The following DMXL2 variants were observed in gnomAD, a reference collection of about 807,000 sequenced individuals.
The protein encoded by DMXL2 is Dmx like 2.
In DMXL2, 103 loss-of-function variants were observed where a neutral mutation model predicts 331.1. That is an observed-to-expected ratio of 0.31 (90% CI 0.27 to 0.37). The LOEUF (loss-of-function observed/expected upper bound fraction) is 0.37. Ranked by LOEUF, DMXL2 falls within the 10% of genes least tolerant of loss-of-function variation. DMXL2 has a pLI of 1.00. For missense variants in DMXL2, 3,171 were observed against 3,642.9 expected (o/e 0.87, Z 3.33); for synonymous variants, 1,281 against 1,252.1 (o/e 1.02, Z -0.49).
chr15:51,559,150 C>G (rs1274555970), intron 6 of DMXL2, among the ~76,000 whole-genome samples: 1 of 152,120 alleles, frequency 6.6e-6, no homozygotes, highest in East Asian at 1.9e-4. Context: ...ATATATTTGA[C>G]ATTAAAATCA....
chr15:51,563,246 T>G (rs1596270791), intron 6 of DMXL2, 135 bp downstream of exon 6: 2 of 740,252 alleles, frequency 2.7e-6, no homozygotes, highest in Middle Eastern at 3.8e-4. Flanking sequence ...AAACACCACT[T>G]TTATTCTTCA....
chr15:51,473,080 T>C (rs961784080), intron 28 of DMXL2, among the ~76,000 whole-genome samples: 12 of 152,220 alleles, frequency 7.9e-5, no homozygotes, highest in African/African-American at 2.9e-4. Flanking sequence ...TTTGCATTCA[T>C]CTGCCTGGAA....
chr15:51,477,449 T>C (rs924415667), intron 26 of DMXL2, among the ~76,000 whole-genome samples: 1 of 152,054 alleles, frequency 6.6e-6, no homozygotes, highest in Non-Finnish European at 1.5e-5. Context: ...TCAACTTTTT[T>C]CCTTATTTAC....
intron 6 of DMXL2, among the ~76,000 whole-genome samples, chr15:51,555,080 C>T (rs1203900428): frequency 1.3e-5 from 2 of 152,150 alleles, no homozygotes; most frequent in Non-Finnish European, 2.9e-5. Context: ...ATTGCTTGAA[C>T]CCAGGAGGCA....
intron 2 of DMXL2, among the ~76,000 whole-genome samples, chr15:51,569,898 C>T (rs1375885229): frequency 6.6e-6 from 1 of 152,132 alleles, no homozygotes; most frequent in African/African-American, 2.4e-5. Context: ...CAAATGATCA[C>T]AACTCCTCGC....
chr15:51,590,556 G>A (rs1181745441), intron 1 of DMXL2, among the ~76,000 whole-genome samples: 1 of 151,152 alleles, frequency 6.6e-6, no homozygotes, highest in Non-Finnish European at 1.5e-5. Flanking sequence ...GCCTTGACTA[G>A]TTCCATTTTA....
intron 1 of DMXL2, among the ~76,000 whole-genome samples, chr15:51,585,929 C>A (rs537341339): frequency 1.3e-5 from 2 of 152,294 alleles, no homozygotes; most frequent in Admixed American, 6.5e-5. Flanking sequence ...CACCACAAGG[C>A]ACCGCCAACT....
chr15:51,504,210 T>C (rs1179383201), intron 16 of DMXL2, among the ~76,000 whole-genome samples: 1 of 152,302 alleles, frequency 6.6e-6, no homozygotes. Context: ...AATAACAATA[T>C]ACTGCCTCAC....
intron 24 of DMXL2, 137 bp from the exon 25 acceptor site, chr15:51,480,276 C>G: frequency 1.1e-6 from 1 of 884,804 alleles, no homozygotes; most frequent in Middle Eastern, 3.3e-4. Context: ...ATTGAGCACC[C>G]AGTATGTACC....
intron 42 of DMXL2, chr15:51,450,683 A>AG (rs976340757): frequency 1.7e-4 from 41 of 240,350 alleles, no homozygotes; most frequent in South Asian, 1.7e-3. Flanking sequence ...AACCCAGCCA[A>AG]GTGCTGTACC....
rs756849363 is a variant in DMXL2, at chr15:51,537,589, G to T, written c.1516C>A (p.Pro506Thr). The T allele has an allele frequency of 1.3e-5, 21 of 1,613,774 alleles. 1 individual carries two copies. In the East Asian group the frequency reaches 4.7e-4, roughly 36 times the overall value. ...GGGTGTATTGTAAAAAGCATATCAG[G>T]ATTCTTATTCCATTCAGTTAGCAGC... ...ETLLTEWNKN[P>T]DMLFTIHPVD... Residue 506 changes from proline (P) to threonine (T), a missense_variant, in exon 11 of 44, where the codon CCT becomes ACT. By Grantham distance (38) the Pro-to-Thr change is conservative. Around this residue, in one of 7 missense-constraint regions of DMXL2, gnomAD observed 1,674 missense variants for 1,780.2 expected, o/e 0.94. Transcript: ENST00000560891.
At position 51,486,347 on chromosome 15, in the gene DMXL2, T is replaced by C. The variant is rs767542342; in HGVS notation, c.5218-10A>G. On this transcript the variant is annotated splice_polypyrimidine_tract_variant and intron_variant, in intron 22 of 43. Transcript: ENST00000560891. The stretch of plus-strand genomic sequence containing the variant: ...TTTTTTCAAGACATACCTGCAAATT[T>C]AAATATTAATACTTATCTTACTTAA... 5 of 1,539,924 alleles carry C rather than the reference T, an allele frequency of 3.2e-6. No homozygotes were observed. The African/African-American group carries it at 6.8e-5, about 21-fold the overall frequency.
chr15:51,555,366 T>G (rs781143375), intron 6 of DMXL2, among the ~76,000 whole-genome samples: 1 of 151,840 alleles, frequency 6.6e-6, no homozygotes, highest in African/African-American at 2.4e-5. Flanking sequence ...GGGAGTAGAT[T>G]GAGGGGTTAG....
chr15:51,472,637 T>C (rs770252402), intron 28 of DMXL2, among the ~76,000 whole-genome samples: 2 of 152,242 alleles, frequency 1.3e-5, no homozygotes, highest in African/African-American at 4.8e-5. Flanking sequence ...AGACTTTTTG[T>C]GTCTGGCTTC....
intron 6 of DMXL2, among the ~76,000 whole-genome samples, chr15:51,553,194 A>G (rs1173725983): frequency 1.3e-5 from 2 of 152,214 alleles, no homozygotes; most frequent in Non-Finnish European, 2.9e-5. Flanking sequence ...ATTAAGTCCT[A>G]TAAGAACAAA....
chr15:51,610,077 T>G (rs2053858942), intron 1 of DMXL2, among the ~76,000 whole-genome samples: 1 of 152,158 alleles, frequency 6.6e-6, no homozygotes, highest in African/African-American at 2.4e-5. Context: ...GAAACGTAAC[T>G]ATGCAGAAAA....
rs751162658 is a variant in DMXL2 at position 51,499,377 on chromosome 15, T to C, written c.3847A>G (p.Thr1283Ala). 3.1e-6 allele frequency: 5 copies of C among 1,613,910 alleles called. No homozygotes were observed. In the East Asian group the frequency reaches 1.1e-4, roughly 36 times the overall value. ...QWKHAVKFGD[T>A]EADSSNAEEA... is the part of the protein sequence containing the mutation. Reference sequence around the variant, plus strand: ...TCTGCATTAGAACTATCAGCTTCAGTGTCTCCAAATTTGACAGCATGCTTC... The same window carrying C: ...TCTGCATTAGAACTATCAGCTTCAGCGTCTCCAAATTTGACAGCATGCTTC... Residue 1283 changes from threonine to alanine, a missense_variant, in exon 18 of 44, where the codon ACT (threonine) becomes GCT (alanine). Physicochemically the swap from Thr to Ala is moderately conservative, Grantham distance 58. This residue lies in a region of DMXL2 where 1,674 missense variants were observed against 1,780.2 expected (regional missense o/e 0.94). Coordinates refer to ENST00000560891, the MANE Select transcript of DMXL2 (RefSeq NM_001378457.1).
rs190753659 is a variant in DMXL2, at chr15:51,465,575, C to G, written c.7597G>C (p.Glu2533Gln). Reference sequence around the variant, plus strand: ...TAAATTCCAAACTCACCAGAGAATTCCAGTCCAGCAATAGGAAAGAAATTC... The same window carrying G: ...TAAATTCCAAACTCACCAGAGAATTGCAGTCCAGCAATAGGAAAGAAATTC... The part of the protein sequence containing the change: ...VKNFFPIAGL[E>Q]FSELPVTSPL... The change falls in exon 31 of 44, where the codon GAA becomes CAA. Residue 2533 changes from glutamate to glutamine, a missense_variant. Coordinates refer to ENST00000560891, the MANE Select transcript of DMXL2 (RefSeq NM_001378457.1). 6.1e-5 allele frequency: 97 copies of G among 1,596,406 alleles called. No homozygotes were observed. Among genetic ancestry groups the G allele is most frequent in the Non-Finnish European group, 7.7e-5 (90 of 1,171,304 alleles).
chr15:51,557,532 C>A (rs2049679839), intron 6 of DMXL2, among the ~76,000 whole-genome samples: 1 of 151,864 alleles, frequency 6.6e-6, no homozygotes, highest in South Asian at 2.1e-4. Flanking sequence ...ATCATTTATT[C>A]TAAAATTTAT....
Sources: allele counts gnomAD v4.1 joint callset (sites outside exome capture counted in the v4.1 genomes callset), GRCh38; gene constraint gnomAD v4.1.1; regional missense constraint gnomAD v4.1.1; transcripts MANE v1.5; gene names NCBI Gene and HGNC (gene_info 2026-07-23, HGNC 2026-07-21).